Variants in CRACDL observed in about 807,000 individuals in gnomAD.
The protein encoded by CRACDL is CRACD-like protein.
Under a neutral mutation model 70.6 loss-of-function variants are expected in CRACDL, and 26 were observed. The observed-to-expected ratio is 0.37, with a 90% CI of 0.27 to 0.51. The LOEUF is 0.51. CRACDL is among the 20% of genes least tolerant of loss of function. The probability of loss-of-function intolerance (pLI) is 0.94; values close to 1 mark genes in which losing one functional copy is unlikely to be tolerated. For synonymous variants in CRACDL, 618 were observed against 615.2 expected (o/e 1.00, Z -0.07); for missense variants, 1,283 against 1,376.9 (o/e 0.93, Z 1.08).
At chr2:98,860,278 C>T (rs1706886896) in intron 1 of CRACDL, among the ~76,000 whole-genome samples, 1 of 152,116 alleles carries the variant, frequency 6.6e-6, no homozygotes, top group South Asian at 2.1e-4. Context: ...GGATTTTGGG[C>T]AGAAAGTAAC....
intron 1 of CRACDL, among the ~76,000 whole-genome samples, chr2:98,927,001 G>A (rs1422578959): frequency 6.6e-6 from 1 of 152,192 alleles, no homozygotes; most frequent in Non-Finnish European, 1.5e-5. Context: ...AGGTAAATCT[G>A]CAGGAACTAT....
chr2:98,911,174 A>C (rs1205713252), intron 1 of CRACDL, among the ~76,000 whole-genome samples: 2 of 152,158 alleles, frequency 1.3e-5, no homozygotes, highest in Non-Finnish European at 2.9e-5. Context: ...CTGGGCCTCA[A>C]GTATCTCGTC....
At chr2:98,904,398 G>A (rs530540513) in intron 1 of CRACDL, among the ~76,000 whole-genome samples, 23 of 152,342 alleles carry the variant, frequency 1.5e-4, no homozygotes, top group East Asian at 7.7e-4. Context: ...GCAGGGAACC[G>A]GCCTTGCCGT....
chr2:98,920,625 C>T (rs1708780477), intron 1 of CRACDL, among the ~76,000 whole-genome samples: 1 of 152,158 alleles, frequency 6.6e-6, no homozygotes, highest in Admixed American at 6.5e-5. Flanking sequence ...GGACCCCTCT[C>T]CCAGCTGGAA....
rs116447345 is a variant in CRACDL, at chr2:98,871,728, T to C, written c.-10-24918A>G. 6.6e-3 allele frequency among the ~76,000 whole-genome samples: 1,003 copies of C among 152,266 alleles called. 12 individuals are homozygous for C. Among genetic ancestry groups the C allele is most frequent in the African/African-American group, 0.023 (973 of 41,532 alleles). On this transcript the variant is annotated intron_variant, in intron 1 of 9. Transcript: ENST00000397899. The stretch of plus-strand genomic sequence containing the variant: ...TGGAAACATCCTGAAGGCTCACCAG[T>C]AGGAGACATAGGCAGACCAGACACA...
rs1284100265 is a variant in CRACDL, at chr2:98,936,134, T to C, written c.-207A>G. Reference sequence around the variant, plus strand: ...AAGAGCTGGACGCGGGCGCTGACACTACCCTCCCGCGGCCGGCCCGGCCCT... The same window carrying C: ...AAGAGCTGGACGCGGGCGCTGACACCACCCTCCCGCGGCCGGCCCGGCCCT... On this transcript the variant is annotated 5_prime_UTR_variant, in exon 1 of 10. Transcript: ENST00000397899. The C allele has an allele frequency of 6.6e-6, 1 of 150,916 alleles. No homozygotes were observed. The highest frequency in any genetic ancestry group is 2.0e-4 in the East Asian group (1 of 5,112). The allele number at this position is 150,916 out of a possible 1,614,324, so 9.3% of individuals were successfully genotyped here.
chr2:98,874,539 C>T (rs985763582), intron 1 of CRACDL, among the ~76,000 whole-genome samples: 6 of 152,242 alleles, frequency 3.9e-5, no homozygotes, highest in African/African-American at 1.4e-4. Flanking sequence ...TCCCAGTGTC[C>T]AGGAGGCAAA....
At chr2:98,927,574 A>C (rs1708964430) in intron 1 of CRACDL, among the ~76,000 whole-genome samples, 1 of 152,140 alleles carries the variant, frequency 6.6e-6, no homozygotes, top group African/African-American at 2.4e-5. Flanking sequence ...TCTGGTATAT[A>C]CACAGGAAAT....
intron 1 of CRACDL, among the ~76,000 whole-genome samples, chr2:98,856,777 T>C (rs1455281629): frequency 6.6e-6 from 1 of 152,210 alleles, no homozygotes; most frequent in African/African-American, 2.4e-5. Flanking sequence ...AAACAGGCTG[T>C]GAACATCATG....
At chr2:98,896,069 C>G (rs757815947) in intron 1 of CRACDL, among the ~76,000 whole-genome samples, 1 of 152,150 alleles carries the variant, frequency 6.6e-6, no homozygotes, top group Non-Finnish European at 1.5e-5. Flanking sequence ...CTCAAATGGA[C>G]TAAGACAGGG....
intron 7 of CRACDL, among the ~76,000 whole-genome samples, chr2:98,808,452 A>G (rs1172246218): frequency 6.6e-6 from 1 of 152,046 alleles, no homozygotes; most frequent in Non-Finnish European, 1.5e-5. Context: ...GCCCAAAGAA[A>G]CCCTGAAGAG....
intron 1 of CRACDL, among the ~76,000 whole-genome samples, chr2:98,862,287 T>C (rs1456401882): frequency 6.6e-6 from 1 of 151,758 alleles, no homozygotes; most frequent in African/African-American, 2.4e-5. Context: ...AACCCAAAAA[T>C]CCAAACCAGC....
chr2:98,823,149 G>A lies in CRACDL; in HGVS notation c.1124C>T (p.Ala375Val). The change falls in exon 7 of 10, where the codon GCG becomes GTG. Residue 375 changes from alanine to valine, a missense_variant. Ala to Val is a moderately conservative substitution (Grantham distance 64, BLOSUM62 0). Coordinates refer to ENST00000397899, the MANE Select transcript of CRACDL (RefSeq NM_207362.3). The surrounding 1 kb of genome is among the most constrained non-coding windows in gnomAD (Gnocchi z 4.0). ...CGGGGCACACGGGCCTGCGGGGGGCGCCTCCCCATCCTGCTTTCCGCCGTC... is the reference window on the plus strand; with the variant it reads ...CGGGGCACACGGGCCTGCGGGGGGCACCTCCCCATCCTGCTTTCCGCCGTC... ...GPDGGKQDGE[A>V]PPAGPCAPAT... 6.4e-7 allele frequency: 1 copy of A among 1,554,280 alleles called. No homozygotes were observed. The highest frequency in any genetic ancestry group is 8.7e-7 in the Non-Finnish European group (1 of 1,153,804).
intron 9 of CRACDL, 23 bp from the exon 10 acceptor site, chr2:98,794,694 C>T: frequency 6.3e-7 from 1 of 1,594,880 alleles, no homozygotes; most frequent in Non-Finnish European, 8.6e-7. Context: ...GAGACAAAAC[C>T]AACAGAAACA....
At chr2:98,858,602 A>G (rs897844058) in intron 1 of CRACDL, among the ~76,000 whole-genome samples, 3 of 152,034 alleles carry the variant, frequency 2.0e-5, no homozygotes, top group African/African-American at 7.2e-5. Context: ...AGGGCAATCT[A>G]AACTGAAAAC....
At chr2:98,917,756 A>G (rs1230832122) in intron 1 of CRACDL, among the ~76,000 whole-genome samples, 1 of 152,216 alleles carries the variant, frequency 6.6e-6, no homozygotes, top group Non-Finnish European at 1.5e-5. Context: ...CATTGTACCC[A>G]GTAGGTAGTT....
At chr2:98,922,975 T>TGGCC (rs1708839379) in intron 1 of CRACDL, among the ~76,000 whole-genome samples, 1 of 152,196 alleles carries the variant, frequency 6.6e-6, no homozygotes, top group African/African-American at 2.4e-5. Flanking sequence ...CTACTACATC[T>TGGCC]TTTAAATTTA....
chr2:98,794,780 C>A, intron 9 of CRACDL, 109 bp from the exon 10 acceptor site: 1 of 835,852 alleles, frequency 1.2e-6, no homozygotes. Flanking sequence ...ACTGTGTTCT[C>A]GAACATAAAA....
chr2:98,907,214 C>G (rs1189773783), intron 1 of CRACDL, among the ~76,000 whole-genome samples: 1 of 152,176 alleles, frequency 6.6e-6, no homozygotes, highest in African/African-American at 2.4e-5. Flanking sequence ...ATCGCTTGAA[C>G]CCAGGAGGCG....
Sources: allele counts gnomAD v4.1 joint callset (sites outside exome capture counted in the v4.1 genomes callset), GRCh38; gene constraint gnomAD v4.1.1; non-coding constraint Gnocchi (gnomAD v3.1); transcripts MANE v1.5; gene names NCBI Gene and HGNC (gene_info 2026-07-23, HGNC 2026-07-21).